The following SLC26A8 variants were observed in gnomAD, a reference collection of about 807,000 sequenced individuals.
SLC26A8 encodes solute carrier family 26 member 8.
In SLC26A8, 70 loss-of-function variants were observed where a neutral mutation model predicts 105.0. The observed-to-expected ratio is 0.67, with a 90% CI of 0.55 to 0.81. The LOEUF (loss-of-function observed/expected upper bound fraction) is 0.81, where lower values mean the gene tolerates loss of function less well. Ranked by LOEUF, SLC26A8 falls within the 40% of genes least tolerant of loss-of-function variation. The pLI is 0.00. For synonymous variants in SLC26A8, 415 were observed against 438.3 expected (o/e 0.95, Z 0.66); for missense variants, 998 against 1,181.8 (o/e 0.84, Z 2.28).
chr6:36,012,178 G>A (rs201469133), intron 3 of SLC26A8, 55 bp downstream of exon 3: 25 of 1,572,546 alleles, frequency 1.6e-5, no homozygotes, highest in African/African-American at 1.2e-4. Flanking sequence ...CCCTGGGCAC[G>A]TGGACAAGGT....
chr6:35,958,057 G>A lies in SLC26A8; in HGVS notation c.1863+1403C>T, dbSNP rs1421923428. Reference sequence around the variant, plus strand: ...TTTCTACCTTGGTGTCTTTGTCGAAGCCTGTCCATGGACTGGGAATCCTCT... The same window carrying A: ...TTTCTACCTTGGTGTCTTTGTCGAAACCTGTCCATGGACTGGGAATCCTCT... On this transcript the variant is annotated intron_variant, in intron 16 of 19. Coordinates refer to ENST00000490799, the MANE Select transcript of SLC26A8 (RefSeq NM_052961.4). Among the ~76,000 whole-genome samples the A allele has an allele frequency of 3.9e-5, 6 of 152,308 alleles. No homozygotes were observed. In the East Asian group the frequency reaches 1.2e-3, roughly 29 times the overall value.
At chr6:36,024,332 C>T in intron 1 of SLC26A8, 172 bp downstream of exon 1, 1 of 408,146 alleles carries the variant, frequency 2.5e-6, no homozygotes, top group Non-Finnish European at 4.9e-6. Context: ...GACAATACCT[C>T]AGAGATAAGC....
intron 8 of SLC26A8, among the ~76,000 whole-genome samples, chr6:35,979,278 C>G (rs1035609596): frequency 1.3e-5 from 2 of 151,932 alleles, no homozygotes; most frequent in Non-Finnish European, 2.9e-5. Flanking sequence ...GAGATCGAGA[C>G]CATCCTGGCT....
rs748250825 is a variant in SLC26A8, at chr6:35,982,134, T to C, written c.1012A>G (p.Met338Val). ...GGAATTACTGACCTATAAGGAATCA[T>C]GTCAATAAGCGTCTGGCTGGTTTCT... ...ATETSQTLID[M>V]IPYSFLLPVT... Residue 338 changes from methionine to valine, a missense_variant, in exon 8 of 20, where the codon ATG becomes GTG. Coordinates refer to ENST00000490799, the MANE Select transcript of SLC26A8 (RefSeq NM_052961.4). The C allele has an allele frequency of 1.9e-6, 3 of 1,614,030 alleles. No homozygotes were observed. Among genetic ancestry groups the C allele is most frequent in the Non-Finnish European group, 2.5e-6 (3 of 1,180,024 alleles).
At chr6:35,963,546 A>G (rs1198429562) in intron 11 of SLC26A8, among the ~76,000 whole-genome samples, 1 of 152,182 alleles carries the variant, frequency 6.6e-6, no homozygotes, top group African/African-American at 2.4e-5. Flanking sequence ...TACTATTGTC[A>G]GTAAATTCTT....
Position 35,944,199 on chromosome 6 carries a change from G to A in SLC26A8, c.2614C>T (p.Leu872=), listed in dbSNP as rs115969164. The A allele has an allele frequency of 1.1e-3, 1,832 of 1,613,926 alleles. 2 individuals are homozygous for A. Among genetic ancestry groups the A allele is most frequent in the Non-Finnish European group, 1.2e-3 (1,410 of 1,179,882 alleles). ...CGATCCAGGTCTAGGTCCAGACCCA[G>A]CCCAGCCTCTTGTTCTGATTCCAGC... is the stretch of plus-strand genomic sequence containing the variant. ...LELESEQEAG[L]GLDLDLDREL... is the part of the protein sequence containing the mutation. The change falls in exon 20 of 20, where the codon CTG becomes TTG. Residue 872 remains leucine, a synonymous_variant. Transcript: ENST00000490799.
At chr6:35,945,001 C>A (rs1247575738) in intron 19 of SLC26A8, among the ~76,000 whole-genome samples, 1 of 152,038 alleles carries the variant, frequency 6.6e-6, no homozygotes, top group Non-Finnish European at 1.5e-5. Context: ...AGATATGCAC[C>A]ACCACGACTG....
At chr6:35,968,597 G>GAAATATACATATGTGTGTATGTGTGTC (rs1209916814) in intron 11 of SLC26A8, among the ~76,000 whole-genome samples, 1 of 60,976 alleles carries the variant, frequency 1.6e-5, no homozygotes, top group African/African-American at 4.7e-5. Context: ...GTATGTGTGT[G>GAAATATACATATGTGTGTATGTGTGTC]TGTGTGTGTG....
intron 17 of SLC26A8, among the ~76,000 whole-genome samples, chr6:35,954,321 C>T (rs1288151203): frequency 6.6e-6 from 1 of 152,126 alleles, no homozygotes; most frequent in Non-Finnish European, 1.5e-5. Flanking sequence ...GTGGGGAAGA[C>T]CCTGCAGGTA....
At position 35,977,256 on chromosome 6, in the gene SLC26A8, A is replaced by G; in HGVS notation, c.1121T>C (p.Phe374Ser). 2 of 1,614,134 alleles carry G rather than the reference A, an allele frequency of 1.2e-6. No individual in the cohort carries two copies. Among genetic ancestry groups the G allele is most frequent in the South Asian group, 2.2e-5 (2 of 91,074 alleles). Residue 374 changes from phenylalanine to serine, a missense_variant, in exon 9 of 20, where the codon TTT (phenylalanine) becomes TCT (serine). Phe to Ser is a radical substitution (Grantham distance 155). Transcript: ENST00000490799. ...LSLVSSFLLI[F>S]LGKKIASLHN... ...AAGACTGGCAATCTTCTTGCCCAGA[A>G]ATATGAGCAGAAAGGAGCTCACCAA...
chr6:35,982,741 A>G (rs1383131749), intron 7 of SLC26A8, among the ~76,000 whole-genome samples: 1 of 152,208 alleles, frequency 6.6e-6, no homozygotes, highest in Non-Finnish European at 1.5e-5. Context: ...AGTTCCAGGT[A>G]CATTGTAGTA....
intron 7 of SLC26A8, 29 bp downstream of exon 7, chr6:35,991,630 T>C (rs1761162586): frequency 2.0e-6 from 3 of 1,484,766 alleles, no homozygotes; most frequent in South Asian, 1.4e-5. Context: ...TTATGCAAAC[T>C]ATGAATTTGA....
chr6:35,954,668 G>A lies in SLC26A8; in HGVS notation c.2232+484C>T, dbSNP rs547887490. Among the ~76,000 whole-genome samples the A allele has an allele frequency of 7.8e-4, 118 of 152,212 alleles. 1 individual carries two copies. The highest frequency in any genetic ancestry group is 2.6e-3 in the African/African-American group (109 of 41,548). On this transcript the variant is annotated intron_variant, in intron 17 of 19. Transcript: ENST00000490799. ...ATCAGAATTGGTTCATTTTAGGCTG[G>A]GCATGGTGGCTCACGCCTGTAATCC...
chr6:35,957,610 T>C (rs1772131713), intron 16 of SLC26A8, among the ~76,000 whole-genome samples: 2 of 150,142 alleles, frequency 1.3e-5, no homozygotes, highest in South Asian at 4.2e-4. Flanking sequence ...AGCCACCTTT[T>C]TTTTTTTTTT....
chr6:35,998,955 T>C (rs6938232), intron 4 of SLC26A8, among the ~76,000 whole-genome samples: 83,710 of 151,834 alleles, frequency 0.55, 23,500 homozygotes, highest in South Asian at 0.71. Context: ...AGTGCAATGG[T>C]GTGATCTTGG....
intron 5 of SLC26A8, 99 bp downstream of exon 5, chr6:35,997,639 G>C: frequency 8.4e-7 from 1 of 1,184,316 alleles, no homozygotes; most frequent in Non-Finnish European, 1.2e-6. Flanking sequence ...TGAAGTTCCA[G>C]GTATATCACA....
intron 2 of SLC26A8, among the ~76,000 whole-genome samples, chr6:36,017,526 G>T (rs1248670971): frequency 1.3e-5 from 2 of 152,254 alleles, no homozygotes; most frequent in East Asian, 3.9e-4. Flanking sequence ...CCACTACTCA[G>T]GAGGCTGAGG....
Position 35,994,498 on chromosome 6 carries a change from G to A in SLC26A8, c.628-1824C>T, listed in dbSNP as rs570945576. Reference sequence around the variant, plus strand: ...GGCCAGTCTGCTTCCTATTTCTTGCGTGACTGGCTGACTCCTACTTCTGTG... The same window carrying A: ...GGCCAGTCTGCTTCCTATTTCTTGCATGACTGGCTGACTCCTACTTCTGTG... On this transcript the variant is annotated intron_variant, in intron 5 of 19. Transcript: ENST00000490799. Among the ~76,000 whole-genome samples the A allele has an allele frequency of 9.2e-5, 14 of 151,594 alleles. No individual in the cohort carries two copies. The South Asian group carries it at 1.0e-3, about 11-fold the overall frequency.
chr6:35,951,783 G>A (rs916529831), intron 17 of SLC26A8, among the ~76,000 whole-genome samples: 2 of 152,088 alleles, frequency 1.3e-5, no homozygotes, highest in African/African-American at 2.4e-5. Context: ...TCACCATATT[G>A]GCCAGGCTGG....
Sources: gnomAD v4.1 joint callset for allele counts (sites outside exome capture counted in the v4.1 genomes callset) on GRCh38, gnomAD v4.1.1 for gene constraint, MANE v1.5 for transcripts, NCBI Gene and HGNC (gene_info 2026-07-23, HGNC 2026-07-21) for gene names.